The following RFX2 variants were observed in gnomAD, a reference collection of about 807,000 sequenced individuals.
RFX2 encodes the protein regulatory factor X2.
Under a neutral mutation model 87.8 loss-of-function variants are expected in RFX2, and 20 were observed. That is an observed-to-expected ratio of 0.23 (90% confidence interval 0.16 to 0.33). RFX2 has a LOEUF of 0.33. Ranked by LOEUF, RFX2 falls within the 10% of genes least tolerant of loss-of-function variation. RFX2 has a pLI of 1.00. For missense variants in RFX2, 767 were observed against 1,012.3 expected, an observed-to-expected ratio of 0.76 and a Z score of 3.29; for synonymous variants, 397 against 431.3, an observed-to-expected ratio of 0.92 and a Z score of 0.98.
chr19:6,044,202 T>TTC lies in RFX2; in HGVS notation c.170_171insGA (p.Pro58AsnfsTer61). Reference sequence around the variant, plus strand: ...CGGTGCTTGTCATTACCTGCTGGGGTACCTGCTGAACTCTGGGGAGGGAGA... The same window carrying TTC: ...CGGTGCTTGTCATTACCTGCTGGGGTTCACCTGCTGAACTCTGGGGAGGGAGA... On this transcript the variant is annotated frameshift_variant, in exon 3 of 18. Transcript: ENST00000303657. LOFTEE classifies it high-confidence loss of function. The surrounding 1 kb of genome is among the most constrained non-coding windows in gnomAD (Gnocchi z 5.3). 1 of 1,562,622 alleles carries TTC rather than the reference T, an allele frequency of 6.4e-7. No homozygotes were observed. The highest frequency in any genetic ancestry group is 8.7e-7 in the Non-Finnish European group (1 of 1,154,358).
chr19:6,060,684 ACT>A (rs1422968732), intron 1 of RFX2, among the ~76,000 whole-genome samples: 1 of 151,530 alleles, frequency 6.6e-6, no homozygotes. Context: ...CTGAACTTGT[ACT>A]CTCTGCAGTG....
chr19:6,045,432 C>G lies in RFX2; in HGVS notation c.91-1150G>C, dbSNP rs529037795. On this transcript the variant is annotated intron_variant, in intron 2 of 17. Coordinates refer to ENST00000303657, the MANE Select transcript of RFX2 (RefSeq NM_000635.4). The surrounding 1 kb of genome is among the most constrained non-coding windows in gnomAD (Gnocchi z 5.2). ...CTGAGAGAGGGGCTTGGCAGGAAGA[C>G]CTGAGGGCTGACTCCTCTTGGACAA... is the stretch of plus-strand genomic sequence containing the variant. Among the ~76,000 whole-genome samples the G allele has an allele frequency of 6.6e-6, 1 of 152,228 alleles. No individual in the cohort carries two copies. The highest frequency in any genetic ancestry group is 2.4e-5 in the African/African-American group (1 of 41,540).
Position 6,093,112 on chromosome 19 carries a change from C to CT in RFX2, c.-9+17280_-9+17281insA, listed in dbSNP as rs2087965788. 5.3e-5 allele frequency among the ~76,000 whole-genome samples: 8 copies of CT among 152,278 alleles called. No homozygotes were observed. In the South Asian group the frequency reaches 1.7e-3, roughly 32 times the overall value. The stretch of plus-strand genomic sequence containing the variant: ...CAAGCTAACGCCAAGGGGAGGAAGT[C>CT]CATCAGGCTCAGCAATTTCCCTGCC... On this transcript the variant is annotated intron_variant, in intron 1 of 17. Coordinates refer to ENST00000303657, the MANE Select transcript of RFX2 (RefSeq NM_000635.4).
chr19:6,009,577 CT>C (rs550863151), intron 9 of RFX2, among the ~76,000 whole-genome samples: 22 of 147,830 alleles, frequency 1.5e-4, no homozygotes, highest in African/African-American at 2.5e-4. Flanking sequence ...AGCGTTCTTT[CT>C]TTTTTTTTTT....
In RFX2 at chr19:6,017,896, G is replaced by A. The variant is rs1456248460; in HGVS notation, c.598-1625C>T. ...TGGCACCCCCCCGCCCCACTGTCAC[G>A]TTTGCCTGTCTGTTTGCCCCATCCC... On this transcript the variant is annotated intron_variant, in intron 6 of 17. Transcript: ENST00000303657. The surrounding 1 kb of genome is among the most constrained non-coding windows in gnomAD (Gnocchi z 4.1). 1.5e-5 allele frequency among the ~76,000 whole-genome samples: 2 copies of A among 132,548 alleles called. No homozygotes were observed. Among genetic ancestry groups the A allele is most frequent in the Non-Finnish European group, 3.2e-5 (2 of 63,480 alleles). 87.0% of individuals were successfully genotyped at this position (132,548 alleles called of 152,430 possible). A position where few individuals can be genotyped will look rare whatever the true frequency, so the allele number is the denominator to read the frequency against.
rs186579726 is a variant in RFX2, at chr19:6,064,343, C to A, written c.-8-16839G>T. Among the ~76,000 whole-genome samples, 5 of 152,320 alleles carry A rather than the reference C, an allele frequency of 3.3e-5. No individual in the cohort carries two copies. Among genetic ancestry groups the A allele is most frequent in the Non-Finnish European group, 7.3e-5 (5 of 68,030 alleles). Reference sequence around the variant, plus strand: ...CTTACCAGCCTTTCTTTCCCTCTCACGTTTCTCTCCCTTTCTGACCATGAG... The same window carrying A: ...CTTACCAGCCTTTCTTTCCCTCTCAAGTTTCTCTCCCTTTCTGACCATGAG... On this transcript the variant is annotated intron_variant, in intron 1 of 17. Transcript: ENST00000303657. This position sits in a 1 kb window ranked among gnomAD's most constrained non-coding sequence, Gnocchi z 4.8.
intron 1 of RFX2, among the ~76,000 whole-genome samples, chr19:6,099,515 AT>A (rs565382038): frequency 0.03 from 4,413 of 145,920 alleles, 215 homozygotes; most frequent in African/African-American, 0.1. Flanking sequence ...GGGCTGCGTG[AT>A]TTTTTTTTTT....
intron 1 of RFX2, among the ~76,000 whole-genome samples, chr19:6,075,553 T>C (rs2087680217): frequency 6.6e-6 from 1 of 152,078 alleles, no homozygotes; most frequent in South Asian, 2.1e-4. Flanking sequence ...GGGTTTGACA[T>C]AAAGGGTGAA....
intron 17 of RFX2, among the ~76,000 whole-genome samples, chr19:5,995,180 C>T: frequency 6.6e-6 from 1 of 152,216 alleles, no homozygotes; most frequent in East Asian, 1.9e-4. Flanking sequence ...TGCCCTGTGC[C>T]TCCCTTTCCC....
chr19:6,096,735 T>C (rs908733618), intron 1 of RFX2, among the ~76,000 whole-genome samples: 7 of 152,220 alleles, frequency 4.6e-5, no homozygotes, highest in East Asian at 1.9e-4. Flanking sequence ...CGTAAGGCAC[T>C]GCACCTGGCC....
At chr19:6,019,982 C>T (rs896898183) in intron 6 of RFX2, 2 of 152,300 alleles carry the variant, frequency 1.3e-5, no homozygotes, top group Non-Finnish European at 2.9e-5. Flanking sequence ...GGTGAAGAAG[C>T]CAGAGGCTTC....
At position 6,002,894 on chromosome 19, in the gene RFX2, G is replaced by C. The variant is rs371497406; in HGVS notation, c.1501-24C>G. ...ACCTGTAAGCCAGGGCTCGTGGTGA[G>C]CAGGGGTTCGCAGGGAGAGCCTGTT... On this transcript the variant is annotated intron_variant, in intron 13 of 17. Transcript: ENST00000303657. This position sits in a 1 kb window ranked among gnomAD's most constrained non-coding sequence, Gnocchi z 6.7. The C allele has an allele frequency of 1.3e-6, 2 of 1,585,848 alleles. No homozygotes were observed. Among genetic ancestry groups the C allele is most frequent in the African/African-American group, 2.7e-5 (2 of 74,750 alleles).
chr19:6,089,299 G>A (rs951501712), intron 1 of RFX2, among the ~76,000 whole-genome samples: 12 of 152,220 alleles, frequency 7.9e-5, no homozygotes, highest in African/African-American at 2.7e-4. Context: ...CAACACTCCT[G>A]TCCTGTCTCC....
intron 1 of RFX2, among the ~76,000 whole-genome samples, chr19:6,062,061 T>C (rs557455933): frequency 3.3e-5 from 5 of 151,762 alleles, no homozygotes; most frequent in African/African-American, 1.2e-4. Flanking sequence ...CTTTGGGAGG[T>C]TGAGGCCAGA....
chr19:6,003,983 C>T (rs752958962), intron 13 of RFX2, among the ~76,000 whole-genome samples: 13 of 152,048 alleles, frequency 8.5e-5, no homozygotes, highest in Non-Finnish European at 1.3e-4. Flanking sequence ...CTGAATTGAC[C>T]CAAAGATGTG....
intron 1 of RFX2, among the ~76,000 whole-genome samples, chr19:6,075,272 T>TGGAGGAGGAGGAGGAGGA (rs763598849): frequency 3.4e-5 from 5 of 149,178 alleles, no homozygotes; most frequent in African/African-American, 9.9e-5. Flanking sequence ...GAGGAGAAGG[T>TGGAGGAGGAGGAGGAGGA]GGAGGAGGAG....
chr19:6,047,150 G>A lies in RFX2; in HGVS notation c.90+257C>T, dbSNP rs141405494. ...AAACCTCCACTGAAAGCTAAGAAGA[G>A]ATCAAGTCAGATTTGGGAGAGTGGT... On this transcript the variant is annotated intron_variant, in intron 2 of 17. Coordinates refer to ENST00000303657, the MANE Select transcript of RFX2 (RefSeq NM_000635.4). The surrounding 1 kb of genome is among the most constrained non-coding windows in gnomAD (Gnocchi z 4.2). Among the ~76,000 whole-genome samples, 21 of 152,344 alleles carry A rather than the reference G, an allele frequency of 1.4e-4. No individual in the cohort carries two copies. In the East Asian group the frequency reaches 3.3e-3, roughly 24 times the overall value.
intron 6 of RFX2, among the ~76,000 whole-genome samples, chr19:6,018,619 G>A (rs2086763199): frequency 6.6e-6 from 1 of 152,224 alleles, no homozygotes; most frequent in South Asian, 2.1e-4. Context: ...TAGAGATTGG[G>A]ACCAGATGTG....
intron 1 of RFX2, among the ~76,000 whole-genome samples, chr19:6,084,612 T>A (rs561002052): frequency 1.5e-4 from 23 of 151,806 alleles, no homozygotes; most frequent in African/African-American, 5.3e-4. Context: ...GGAATCACAC[T>A]GGATTTGTCC....
Sources: gnomAD v4.1 joint callset for allele counts (sites outside exome capture counted in the v4.1 genomes callset) on GRCh38, gnomAD v4.1.1 for gene constraint, Gnocchi (gnomAD v3.1) non-coding constraint, MANE v1.5 for transcripts, NCBI Gene and HGNC (gene_info 2026-07-23, HGNC 2026-07-21) for gene names.